Variants in IL6ST observed in about 807,000 individuals in gnomAD.
The protein encoded by IL6ST is interleukin-6 receptor subunit beta.
Under a neutral mutation model 91.3 loss-of-function variants are expected in IL6ST, and 24 were observed. The observed-to-expected ratio is 0.26, with a 90% CI of 0.19 to 0.37. IL6ST has a LOEUF of 0.37. Among genes scored for constraint, IL6ST ranks in the 10% least tolerant of loss-of-function variants. IL6ST has a pLI of 1.00. For synonymous variants in IL6ST, 351 were observed against 373.6 expected (o/e 0.94, Z 0.70); for missense variants, 914 against 1,078.5 (o/e 0.85, Z 2.14).
intron 15 of IL6ST, among the ~76,000 whole-genome samples, chr5:55,943,340 AAAG>A (rs1378880703): frequency 2.0e-5 from 3 of 152,230 alleles, no homozygotes; most frequent in Non-Finnish European, 4.4e-5. Flanking sequence ...CTATATTTAT[AAAG>A]AAATTGAATT....
chr5:55,988,133 A>T (rs75056762), intron 1 of IL6ST, among the ~76,000 whole-genome samples: 1 of 145,124 alleles, frequency 6.9e-6, no homozygotes, highest in Non-Finnish European at 1.5e-5. Context: ...TCTGCCTCCA[A>T]AAAAAAAAAA....
At chr5:55,975,072 G>C (rs1350228766) in intron 3 of IL6ST, among the ~76,000 whole-genome samples, 1 of 151,748 alleles carries the variant, frequency 6.6e-6, no homozygotes, top group Non-Finnish European at 1.5e-5. Flanking sequence ...GTGACCTCGA[G>C]GTCCAGGGCT....
At chr5:55,944,378 GAATAT>G (rs1751109727) in intron 15 of IL6ST, among the ~76,000 whole-genome samples, 1 of 151,998 alleles carries the variant, frequency 6.6e-6, no homozygotes, top group African/African-American at 2.4e-5. Context: ...TATACATGAT[GAATAT>G]ATTTTAAAAA....
rs1391476352 is a variant in IL6ST, at chr5:55,969,847, G to T, written c.73C>A (p.Leu25Ile). 1 of 1,584,814 alleles carries T rather than the reference G, an allele frequency of 6.3e-7. No individual in the cohort carries two copies. The highest frequency in any genetic ancestry group is 8.6e-7 in the Non-Finnish European group (1 of 1,160,466). ...GGACTGATATAACCACATGGATCTA[G>T]AAGTTCACCTAAAAAGGAACAATAG... Reference protein sequence around the residue: ...FLTTESTGELLDPCGYISPES... With the variant: ...FLTTESTGELIDPCGYISPES... Residue 25 changes from leucine to isoleucine, a missense_variant, in exon 4 of 17, where the codon CTA (leucine) becomes ATA (isoleucine). Transcript: ENST00000381298.
intron 5 of IL6ST, among the ~76,000 whole-genome samples, chr5:55,964,958 A>G (rs2111779063): frequency 6.6e-6 from 1 of 152,280 alleles, no homozygotes. Context: ...AGGAGAAGGA[A>G]ATAAGGTAGA....
Position 55,981,087 on chromosome 5 carries a change from T to G in IL6ST, c.-16+1637A>C, listed in dbSNP as rs144953242. On this transcript the variant is annotated intron_variant, in intron 2 of 16. Transcript: ENST00000381298. ...CAGAACAAGAGGTCCATGAAAGAAT[T>G]TATGATTACTTCAAAGCAATTAGAT... Among the ~76,000 whole-genome samples the G allele has an allele frequency of 3.4e-3, 517 of 152,294 alleles. 4 individuals are homozygous for G. The highest frequency in any genetic ancestry group is 0.012 in the African/African-American group (487 of 41,548).
At chr5:55,945,026 C>A (rs1751153798) in intron 15 of IL6ST, among the ~76,000 whole-genome samples, 1 of 130,470 alleles carries the variant, frequency 7.7e-6, no homozygotes, top group African/African-American at 3.4e-5. Context: ...GCTGTTTTAG[C>A]TGAGGAATTA....
chr5:55,955,529 G>A (rs954499259), intron 10 of IL6ST, among the ~76,000 whole-genome samples: 1 of 152,176 alleles, frequency 6.6e-6, no homozygotes, highest in Non-Finnish European at 1.5e-5. Context: ...TGAAAGCTAC[G>A]AATAAAGCTA....
At chr5:55,950,535 C>CAAAAAAAAAAAAAAAAAAA (rs70995750) in intron 14 of IL6ST, among the ~76,000 whole-genome samples, 1 of 29,364 alleles carries the variant, frequency 3.4e-5, no homozygotes, top group African/African-American at 9.6e-5. Flanking sequence ...GACTCTGTCT[C>CAAAAAAAAAAAAAAAAAAA]AAAAAAAAAA....
At chr5:55,973,201 T>C (rs552997171) in intron 3 of IL6ST, among the ~76,000 whole-genome samples, 1 of 152,180 alleles carries the variant, frequency 6.6e-6, no homozygotes, top group South Asian at 2.1e-4. Flanking sequence ...CTGAAGTGCA[T>C]GCCCTCAATC....
intron 8 of IL6ST, among the ~76,000 whole-genome samples, chr5:55,958,063 T>C (rs1307059543): frequency 6.6e-6 from 1 of 152,232 alleles, no homozygotes; most frequent in Non-Finnish European, 1.5e-5. Context: ...ATTCACAGTA[T>C]TGTTGTGATA....
intron 14 of IL6ST, 98 bp from the exon 15 acceptor site, chr5:55,947,687 C>T (rs1307086391): frequency 2.9e-6 from 2 of 682,522 alleles, no homozygotes; most frequent in East Asian, 2.8e-5. Flanking sequence ...ACCAGACTTA[C>T]TGTTGAAAAG....
chr5:55,954,905 T>G lies in IL6ST; in HGVS notation c.1355A>C (p.Lys452Thr). The G allele has an allele frequency of 1.2e-6, 2 of 1,613,352 alleles. No homozygotes were observed. Among genetic ancestry groups the G allele is most frequent in the Middle Eastern group, 1.6e-4 (1 of 6,062 alleles). The stretch of plus-strand genomic sequence containing the variant: ...TAACACACACCACTCAAGTATATAT[T>G]TCTTTACAGATTCCCTTGGAGTAGT... ...EWTTPRESVKKYILEWCVLSD... is the reference protein window; with the variant it reads ...EWTTPRESVKTYILEWCVLSD... The change falls in exon 11 of 17, where the codon AAA (lysine) becomes ACA (threonine). Residue 452 changes from lysine to threonine, a missense_variant. Lys to Thr is a moderately conservative substitution (Grantham distance 78). Coordinates refer to ENST00000381298, the MANE Select transcript of IL6ST (RefSeq NM_002184.4).
At chr5:55,990,854 A>C (rs1005441349) in intron 1 of IL6ST, among the ~76,000 whole-genome samples, 3 of 151,856 alleles carry the variant, frequency 2.0e-5, no homozygotes, top group Non-Finnish European at 1.5e-5. Context: ...CTAGTCATTT[A>C]CATTAGGTAT....
chr5:55,991,384 C>T (rs769194079), intron 1 of IL6ST, among the ~76,000 whole-genome samples: 3 of 152,194 alleles, frequency 2.0e-5, no homozygotes, highest in Non-Finnish European at 4.4e-5. Flanking sequence ...CTCATCTATG[C>T]AGTACATTTT....
At chr5:55,968,565 T>A (rs540678743) in intron 4 of IL6ST, among the ~76,000 whole-genome samples, 169 bp from the exon 5 acceptor site, 2 of 152,318 alleles carry the variant, frequency 1.3e-5, no homozygotes, top group Admixed American at 1.3e-4. Context: ...CTATCCCAAC[T>A]CTTACACTTC....
At chr5:55,941,997 A>G (rs1355521755) in intron 16 of IL6ST, among the ~76,000 whole-genome samples, 178 bp from the exon 17 acceptor site, 1 of 152,188 alleles carries the variant, frequency 6.6e-6, no homozygotes, top group African/African-American at 2.4e-5. Context: ...GTCTAAATCA[A>G]TATTGTTGGT....
intron 1 of IL6ST, chr5:55,994,110 T>TC (rs1754500993): frequency 1.3e-5 from 2 of 151,464 alleles, no homozygotes; most frequent in African/African-American, 4.8e-5. Flanking sequence ...TTTTTTTTTT[T>TC]CAGTTTCGGA....
At chr5:55,944,359 AAGTCTC>A (rs1295912352) in intron 15 of IL6ST, among the ~76,000 whole-genome samples, 1 of 152,210 alleles carries the variant, frequency 6.6e-6, no homozygotes, top group Non-Finnish European at 1.5e-5. Context: ...GAATTTATCA[AAGTCTC>A]AGTATACATG....
Sources: gnomAD v4.1 joint callset for allele counts (sites outside exome capture counted in the v4.1 genomes callset) on GRCh38, gnomAD v4.1.1 for gene constraint, MANE v1.5 for transcripts, NCBI Gene and HGNC (gene_info 2026-07-23, HGNC 2026-07-21) for gene names.